The following TTC27 variants were observed in gnomAD, a reference collection of about 807,000 sequenced individuals.
TTC27 encodes tetratricopeptide repeat domain 27, also known as tetratricopeptide repeat protein 27.
A neutral mutation model predicts 115.9 loss-of-function variants in TTC27; 79 were observed. That is an observed-to-expected ratio of 0.68 (90% CI 0.57 to 0.82). TTC27 has a LOEUF of 0.82. TTC27 is among the 40% of genes least tolerant of loss of function. TTC27 has a pLI of 0.00. For synonymous variants in TTC27, 401 were observed against 356.0 expected (o/e 1.13, Z -1.42); for missense variants, 1,054 against 993.1 (o/e 1.06, Z -0.82).
chr2:32,820,041 A>G (rs1183823116), intron 19 of TTC27, among the ~76,000 whole-genome samples: 1 of 152,252 alleles, frequency 6.6e-6, no homozygotes, highest in East Asian at 1.9e-4. Flanking sequence ...TCATTTTGTT[A>G]TGAAATGCTG....
In TTC27 at chr2:32,747,144, T is replaced by C. The variant is rs149591452; in HGVS notation, c.1452+10328T>C. Among the ~76,000 whole-genome samples the C allele has an allele frequency of 6.3e-3, 958 of 152,320 alleles. 9 individuals carry two copies. The highest frequency in any genetic ancestry group is 0.011 in the Non-Finnish European group (744 of 68,026). ...GCAACAAGTTACACACCATCTATTATGTTCCTCATTCTTAAAAGAGTTGCG... is the reference window on the plus strand; with the variant it reads ...GCAACAAGTTACACACCATCTATTACGTTCCTCATTCTTAAAAGAGTTGCG... On this transcript the variant is annotated intron_variant, in intron 12 of 19. Transcript: ENST00000317907.
At chr2:32,789,181 T>C (rs1364733748) in intron 16 of TTC27, among the ~76,000 whole-genome samples, 1 of 152,202 alleles carries the variant, frequency 6.6e-6, no homozygotes, top group African/African-American at 2.4e-5. Flanking sequence ...GTCATCAAGA[T>C]AATGCCGATT....
intron 13 of TTC27, among the ~76,000 whole-genome samples, chr2:32,777,125 A>G (rs535670011): frequency 7.2e-4 from 109 of 152,316 alleles, no homozygotes; most frequent in African/African-American, 2.6e-3. Context: ...TTTCTAAATT[A>G]ATTTCAGGCA....
At chr2:32,646,876 T>C (rs1048412120) in intron 4 of TTC27, among the ~76,000 whole-genome samples, 1 of 152,082 alleles carries the variant, frequency 6.6e-6, no homozygotes, top group Admixed American at 6.6e-5. Context: ...ATATTTGTTT[T>C]ATTCTTCCCT....
chr2:32,651,402 A>G (rs1665120463), intron 5 of TTC27, among the ~76,000 whole-genome samples: 1 of 152,162 alleles, frequency 6.6e-6, no homozygotes, highest in African/African-American at 2.4e-5. Context: ...GCTGGAGTGC[A>G]ATGGCGCAAT....
chr2:32,740,147 G>T (rs1668580825), intron 12 of TTC27, among the ~76,000 whole-genome samples: 1 of 152,134 alleles, frequency 6.6e-6, no homozygotes, highest in African/African-American at 2.4e-5. Context: ...CCCACTTACA[G>T]CAATTTCCCC....
At chr2:32,695,069 T>A (rs1666938905) in intron 9 of TTC27, among the ~76,000 whole-genome samples, 1 of 152,182 alleles carries the variant, frequency 6.6e-6, no homozygotes, top group Non-Finnish European at 1.5e-5. Context: ...ATCTTAACCA[T>A]TTTTAAGGGT....
intron 4 of TTC27, among the ~76,000 whole-genome samples, chr2:32,642,674 TG>T (rs1664696961): frequency 6.6e-6 from 1 of 151,802 alleles, no homozygotes; most frequent in Admixed American, 6.6e-5. Flanking sequence ...TTGTTTGTTT[TG>T]TTTTTTTTTT....
In TTC27 at chr2:32,767,618, C is replaced by T. The variant is rs1311094185; in HGVS notation, c.1680+9099C>T. Among the ~76,000 whole-genome samples the T allele has an allele frequency of 5.3e-5, 8 of 151,238 alleles. No homozygotes were observed. The East Asian group carries it at 7.8e-4, about 15-fold the overall frequency. Reference sequence around the variant, plus strand: ...CTGGGACTACAGGCGCCCGCCACCGCGCCCGGCTAATTTTTTGTATTTTTA... The same window carrying T: ...CTGGGACTACAGGCGCCCGCCACCGTGCCCGGCTAATTTTTTGTATTTTTA... On this transcript the variant is annotated intron_variant, in intron 13 of 19. Coordinates refer to ENST00000317907, the MANE Select transcript of TTC27 (RefSeq NM_017735.5).
At chr2:32,734,045 G>T (rs1371498582) in intron 11 of TTC27, 122 bp downstream of exon 11, 4 of 618,512 alleles carry the variant, frequency 6.5e-6, no homozygotes, top group Middle Eastern at 2.6e-4. Flanking sequence ...GATAATAAAT[G>T]TATCTGCCTG....
intron 13 of TTC27, among the ~76,000 whole-genome samples, chr2:32,774,096 T>C (rs1669917959): frequency 6.6e-6 from 1 of 152,146 alleles, no homozygotes; most frequent in African/African-American, 2.4e-5. Flanking sequence ...AATAACTTTG[T>C]ATAGTAATAA....
chr2:32,807,498 A>G (rs559400228), intron 16 of TTC27, among the ~76,000 whole-genome samples: 1 of 152,342 alleles, frequency 6.6e-6, no homozygotes, highest in African/African-American at 2.4e-5. Flanking sequence ...GAGAACTGTC[A>G]TACCGGCACT....
chr2:32,650,009 T>C lies in TTC27; in HGVS notation c.538-122T>C, dbSNP rs929423017. 19 of 746,130 alleles carry C rather than the reference T, an allele frequency of 2.5e-5. No individual in the cohort carries two copies. In the African/African-American group the frequency reaches 3.2e-4, roughly 13 times the overall value. 46.2% of individuals were successfully genotyped at this position (746,130 alleles called of 1,614,324 possible). A position where few individuals can be genotyped will look rare whatever the true frequency, so the allele number is the denominator to read the frequency against. On this transcript the variant is annotated intron_variant, in intron 4 of 19. Transcript: ENST00000317907. Reference sequence around the variant, plus strand: ...ATTACTGAAGAGAGTAGTGGATGGGTAATCTTATTGAGGAATAAATTTAAT... The same window carrying C: ...ATTACTGAAGAGAGTAGTGGATGGGCAATCTTATTGAGGAATAAATTTAAT...
At chr2:32,636,585 C>T (rs977277349) in intron 3 of TTC27, among the ~76,000 whole-genome samples, 7 of 152,146 alleles carry the variant, frequency 4.6e-5, no homozygotes, top group African/African-American at 1.7e-4. Context: ...GACTGAAGCT[C>T]AGAGTGGTAA....
rs566569431 is a variant in TTC27, at chr2:32,694,841, T to A, written c.1120-7966T>A. ...GTGTGCACTGCCACACCAGGTTTTT[T>A]TTTTTATTTTTATTTTTTCTAGAGA... On this transcript the variant is annotated intron_variant, in intron 9 of 19. Coordinates refer to ENST00000317907, the MANE Select transcript of TTC27 (RefSeq NM_017735.5). Among the ~76,000 whole-genome samples, 6 of 151,850 alleles carry A rather than the reference T, an allele frequency of 4.0e-5. No homozygotes were observed. The South Asian group carries it at 6.2e-4, about 16-fold the overall frequency.
intron 13 of TTC27, among the ~76,000 whole-genome samples, chr2:32,771,871 G>A (rs553462356): frequency 3.3e-5 from 5 of 152,162 alleles, no homozygotes; most frequent in African/African-American, 1.2e-4. Context: ...TCAGGCAGGG[G>A]TACAGAAAGA....
At chr2:32,724,086 A>G (rs1668031949) in intron 10 of TTC27, among the ~76,000 whole-genome samples, 1 of 151,290 alleles carries the variant, frequency 6.6e-6, no homozygotes. Context: ...TGCAGATTGT[A>G]AACAGGGTGA....
intron 16 of TTC27, among the ~76,000 whole-genome samples, chr2:32,790,435 T>G (rs1670497593): frequency 6.6e-6 from 1 of 152,116 alleles, no homozygotes; most frequent in Non-Finnish European, 1.5e-5. Context: ...ATAATTTTAT[T>G]AATAATATTT....
At chr2:32,651,888 A>G (rs1240028626) in intron 5 of TTC27, among the ~76,000 whole-genome samples, 1 of 152,150 alleles carries the variant, frequency 6.6e-6, no homozygotes, top group Non-Finnish European at 1.5e-5. Context: ...TGATTCATTT[A>G]TGTTGTTTGT....
Sources: allele counts gnomAD v4.1 joint callset (sites outside exome capture counted in the v4.1 genomes callset), GRCh38; gene constraint gnomAD v4.1.1; transcripts MANE v1.5; gene names NCBI Gene and HGNC (gene_info 2026-07-23, HGNC 2026-07-21).